Variants in FRMD5 observed in about 807,000 individuals in gnomAD.
FRMD5 encodes FERM domain-containing protein 5.
In FRMD5, 20 loss-of-function variants were observed where a neutral mutation model predicts 69.0. That is an observed-to-expected ratio of 0.29 (90% confidence interval 0.20 to 0.42). The LOEUF is 0.42. FRMD5 is among the 10% of genes least tolerant of loss of function. The pLI is 1.00. For synonymous variants in FRMD5, 271 were observed against 260.1 expected (o/e 1.04, Z -0.40); for missense variants, 595 against 708.6 (o/e 0.84, Z 1.82).
chr15:43,879,621 C>T (rs897946739), intron 13 of FRMD5: 2 of 398,946 alleles, frequency 5.0e-6, no homozygotes, highest in Non-Finnish European at 8.8e-6. Context: ...ATTAGTCAGC[C>T]GGAGCTGGAC....
chr15:43,987,970 G>A (rs1421879412), intron 1 of FRMD5, among the ~76,000 whole-genome samples: 3 of 152,180 alleles, frequency 2.0e-5, no homozygotes, highest in Non-Finnish European at 4.4e-5. Flanking sequence ...GGTCATGGGA[G>A]ACAGTGACAG....
At chr15:44,195,788 C>T (rs2078285459), upstream of FRMD5, among the ~76,000 whole-genome samples, 1 of 152,240 alleles carries the variant, frequency 6.6e-6, no homozygotes, top group Non-Finnish European at 1.5e-5. Flanking sequence ...CTCCAGCCCT[C>T]TTATTTTGGG....
chr15:44,171,338 C>T (rs2077799760), intron 1 of FRMD5, among the ~76,000 whole-genome samples: 1 of 152,164 alleles, frequency 6.6e-6, no homozygotes, highest in African/African-American at 2.4e-5. Context: ...TATTTCCAGC[C>T]AGTTCATTGA....
At chr15:44,061,889 G>T (rs573515218) in intron 1 of FRMD5, among the ~76,000 whole-genome samples, 1 of 152,252 alleles carries the variant, frequency 6.6e-6, no homozygotes, top group East Asian at 1.9e-4. Context: ...TTCAAAGATG[G>T]CATGCACATG....
intron 7 of FRMD5, among the ~76,000 whole-genome samples, chr15:43,893,799 G>T (rs1174548267): frequency 6.6e-6 from 1 of 152,134 alleles, no homozygotes; most frequent in Non-Finnish European, 1.5e-5. Context: ...AGCCTGATTG[G>T]TCGCAAGAAC....
At chr15:43,968,952 T>C (rs1029478483) in intron 1 of FRMD5, among the ~76,000 whole-genome samples, 1 of 152,228 alleles carries the variant, frequency 6.6e-6, no homozygotes, top group Non-Finnish European at 1.5e-5. Context: ...GCCTAATTCA[T>C]AGACTATGTT....
intron 1 of FRMD5, among the ~76,000 whole-genome samples, chr15:43,957,747 C>A: frequency 6.6e-6 from 1 of 152,212 alleles, no homozygotes; most frequent in East Asian, 1.9e-4. Context: ...GTGCTCTTGA[C>A]AGTCTTTTAA....
At chr15:43,992,743 T>C (rs538303201) in intron 1 of FRMD5, among the ~76,000 whole-genome samples, 3 of 151,520 alleles carry the variant, frequency 2.0e-5, no homozygotes, top group African/African-American at 7.3e-5. Context: ...AGATGGGGTA[T>C]TCCTCTGCCC....
chr15:43,995,479 G>A (rs998521990), intron 1 of FRMD5, among the ~76,000 whole-genome samples: 13 of 152,162 alleles, frequency 8.5e-5, no homozygotes, highest in African/African-American at 3.1e-4. Context: ...CTGGCCTGGA[G>A]CATGGGTCAC....
At chr15:44,075,275 T>G (rs1429382596) in intron 1 of FRMD5, among the ~76,000 whole-genome samples, 1 of 152,142 alleles carries the variant, frequency 6.6e-6, no homozygotes, top group East Asian at 1.9e-4. Flanking sequence ...GGATGGGAAA[T>G]GAGGTCTTAG....
chr15:44,175,047 T>A (rs988563674), intron 1 of FRMD5, among the ~76,000 whole-genome samples: 2 of 152,224 alleles, frequency 1.3e-5, no homozygotes, highest in Non-Finnish European at 2.9e-5. Context: ...ATTCTGCACA[T>A]GTATCCCAGA....
At chr15:44,042,583 A>G (rs1012551650) in intron 1 of FRMD5, among the ~76,000 whole-genome samples, 2 of 152,228 alleles carry the variant, frequency 1.3e-5, no homozygotes, top group Non-Finnish European at 2.9e-5. Flanking sequence ...ATCCACCACG[A>G]TCAAGTCAGC....
At chr15:43,994,006 T>C (rs116987961) in intron 1 of FRMD5, among the ~76,000 whole-genome samples, 2 of 152,338 alleles carry the variant, frequency 1.3e-5, no homozygotes, top group Non-Finnish European at 2.9e-5. Context: ...AAGCATATAG[T>C]TGGGTCTTGT....
chr15:43,894,205 T>A (rs2088861021), intron 7 of FRMD5, among the ~76,000 whole-genome samples: 1 of 152,114 alleles, frequency 6.6e-6, no homozygotes. Flanking sequence ...CTGGCAGGCT[T>A]GGCAGAGGTA....
intron 13 of FRMD5, among the ~76,000 whole-genome samples, chr15:43,882,421 C>T (rs923629083): frequency 6.6e-5 from 10 of 151,966 alleles, no homozygotes; most frequent in Non-Finnish European, 1.3e-4. Context: ...TGCAGTGGCA[C>T]GATCTCAGCT....
At chr15:44,108,334 CT>C (rs1383568950) in intron 1 of FRMD5, among the ~76,000 whole-genome samples, 6 of 151,890 alleles carry the variant, frequency 4.0e-5, no homozygotes, top group African/African-American at 1.5e-4. Context: ...TCTGAGATCT[CT>C]TTAAAAAAAT....
chr15:44,102,108 C>CT (rs1177668887), intron 1 of FRMD5, among the ~76,000 whole-genome samples: 1 of 152,244 alleles, frequency 6.6e-6, no homozygotes, highest in Non-Finnish European at 1.5e-5. Flanking sequence ...GACATATCCA[C>CT]TCCCCTGGAC....
chr15:43,920,103 C>A (rs554713317), intron 2 of FRMD5, among the ~76,000 whole-genome samples: 1 of 152,118 alleles, frequency 6.6e-6, no homozygotes, highest in African/African-American at 2.4e-5. Flanking sequence ...TTTTGGCATG[C>A]GATTAAGGCA....
intron 1 of FRMD5, among the ~76,000 whole-genome samples, chr15:44,055,900 T>C (rs1179663097): frequency 6.6e-6 from 1 of 152,232 alleles, no homozygotes; most frequent in African/African-American, 2.4e-5. Context: ...GTCATGATTA[T>C]ACATCTCCTT....
Sources: allele counts gnomAD v4.1 joint callset (sites outside exome capture counted in the v4.1 genomes callset), GRCh38; gene constraint gnomAD v4.1.1; transcripts MANE v1.5; gene names NCBI Gene and HGNC (gene_info 2026-07-23, HGNC 2026-07-21).